Variants in C16orf96 observed in about 807,000 individuals in gnomAD.
C16orf96 encodes the protein chromosome 16 open reading frame 96.
C16orf96 carries 108 observed loss-of-function variants against 103.6 expected under a neutral mutation model. That is an observed-to-expected ratio of 1.04 (90% CI 0.89 to 1.22). The LOEUF (loss-of-function observed/expected upper bound fraction) is 1.22. C16orf96 is among the 50% of genes most tolerant of loss of function. The probability of loss-of-function intolerance (pLI) is 0.00; values close to 1 mark genes in which losing one functional copy is unlikely to be tolerated. For synonymous variants in C16orf96, 566 were observed against 593.5 expected (o/e 0.95, Z 0.67); for missense variants, 1,586 against 1,464.2 (o/e 1.08, Z -1.36).
intron 1 of C16orf96, among the ~76,000 whole-genome samples, chr16:4,570,077 G>C (rs1263321533): frequency 1.3e-5 from 2 of 150,780 alleles, no homozygotes; most frequent in Non-Finnish European, 3.0e-5. Flanking sequence ...TTAAAGCCAG[G>C]GCGCTTTGTG....
rs1401605760 is a variant in C16orf96 at position 4,593,177 on chromosome 16, C to T, written c.2775-47C>T. 2.6e-6 allele frequency: 4 copies of T among 1,521,956 alleles called. No homozygotes were observed. The highest frequency in any genetic ancestry group is 4.9e-5 in the East Asian group (2 of 40,630). 94.3% of individuals were successfully genotyped at this position (1,521,956 alleles called of 1,614,324 possible). ...GGGTGGGAGACGAGCCCTCTGCTGGCCTAGCACGCCTCCCACAGCCCCTGC... is the reference window on the plus strand; with the variant it reads ...GGGTGGGAGACGAGCCCTCTGCTGGTCTAGCACGCCTCCCACAGCCCCTGC... On this transcript the variant is annotated intron_variant, in intron 11 of 15. Transcript: ENST00000444310. This position sits in a 1 kb window ranked among gnomAD's most constrained non-coding sequence, Gnocchi z 4.2.
At chr16:4,561,425 G>A (rs897970762) in intron 1 of C16orf96, 2 of 152,316 alleles carry the variant, frequency 1.3e-5, no homozygotes, top group African/African-American at 4.8e-5. Flanking sequence ...AGGGCTGCCT[G>A]GGGTGGCTGA....
At chr16:4,599,718 C>T (rs116335255) in intron 15 of C16orf96, among the ~76,000 whole-genome samples, 476 of 152,350 alleles carry the variant, frequency 3.1e-3, no homozygotes, top group African/African-American at 0.01. Flanking sequence ...GAACCTCATC[C>T]CGACTCCTGT....
the C16orf96 span, among the ~76,000 whole-genome samples, chr16:4,548,773 T>C: frequency 2.0e-5 from 3 of 150,800 alleles, no homozygotes; most frequent in African/African-American, 7.3e-5. Flanking sequence ...CTCGGGAGGC[T>C]GAGGCAGGAG....
the C16orf96 span, among the ~76,000 whole-genome samples, chr16:4,549,018 A>G: frequency 1.3e-5 from 2 of 151,974 alleles, no homozygotes; most frequent in Non-Finnish European, 2.9e-5. Context: ...CATTACAGAG[A>G]CCGAGGGGTG....
chr16:4,549,365 C>T, the C16orf96 span, among the ~76,000 whole-genome samples: 14,439 of 150,216 alleles, frequency 0.096, 1,338 homozygotes, highest in African/African-American at 0.24. Context: ...CCCAGCTGCT[C>T]GGGAGGCTGA....
At chr16:4,542,467 C>T in the C16orf96 span, among the ~76,000 whole-genome samples, 3 of 152,248 alleles carry the variant, frequency 2.0e-5, no homozygotes, top group Admixed American at 2.0e-4. Flanking sequence ...ATACATTTAA[C>T]TCAATATATG....
chr16:4,600,303 C>A lies in C16orf96; in HGVS notation c.3412C>A (p.Pro1138Thr), dbSNP rs751944774. The change falls in exon 16 of 16, where the codon CCC becomes ACC. Residue 1138 changes from proline to threonine, a missense_variant. Coordinates refer to ENST00000444310, the MANE Select transcript of C16orf96 (RefSeq NM_001145011.2). ...SRVGRKPPEE[P>T]ANP ...AGTCGGCAGGAAGCCCCCCGAGGAG[C>A]CCGCCAACCCGTGAGCCCCACCCCG... 1 of 1,549,336 alleles carries A rather than the reference C, an allele frequency of 6.5e-7. No individual in the cohort carries two copies. The highest frequency in any genetic ancestry group is 1.2e-5 in the South Asian group (1 of 84,002).
the C16orf96 span, among the ~76,000 whole-genome samples, chr16:4,547,762 C>CCT: frequency 2.1e-5 from 3 of 142,004 alleles, no homozygotes; most frequent in Non-Finnish European, 1.5e-5. Context: ...TTCCTCCCTC[C>CCT]CTCTCTCTCT....
intron 7 of C16orf96, among the ~76,000 whole-genome samples, chr16:4,583,387 T>A (rs1165567030): frequency 6.6e-6 from 1 of 151,886 alleles, no homozygotes; most frequent in Non-Finnish European, 1.5e-5. Flanking sequence ...ACGCCTATAG[T>A]CCCAGCTACC....
chr16:4,581,167 T>C (rs112306269), intron 7 of C16orf96, among the ~76,000 whole-genome samples: 7 of 120,688 alleles, frequency 5.8e-5, no homozygotes, highest in Non-Finnish European at 1.2e-4. Context: ...TATATATATA[T>C]ATATATATAT....
chr16:4,586,756 A>G (rs761288471), intron 7 of C16orf96, among the ~76,000 whole-genome samples: 6 of 152,192 alleles, frequency 3.9e-5, no homozygotes, highest in Admixed American at 6.5e-5. Flanking sequence ...AATCGTCCAC[A>G]TTGGTTTGTG....
the C16orf96 span, among the ~76,000 whole-genome samples, chr16:4,546,315 C>T: frequency 0.2 from 29,590 of 151,676 alleles, 3,178 homozygotes; most frequent in Middle Eastern, 0.3. Flanking sequence ...CCCGCTACCG[C>T]GCCCAGCTAA....
Position 4,575,268 on chromosome 16 carries a change from G to C in C16orf96, c.788G>C (p.Arg263Pro), listed in dbSNP as rs545505381. Residue 263 changes from arginine (R) to proline (P), a missense_variant, in exon 5 of 16, where the codon CGT becomes CCT. Transcript: ENST00000444310. ...AQTTKYLEAT[R>P]AIQVSEPVQN... ...ACCACCAAGTACCTTGAAGCTACTC[G>C]TGCCATCCAGGTCTCCGAGCCCGTC... The C allele has an allele frequency of 3.4e-5, 53 of 1,550,292 alleles. No homozygotes were observed. In the African/African-American group the frequency reaches 6.2e-4, roughly 18 times the overall value.
intron 9 of C16orf96, 133 bp downstream of exon 9, chr16:4,588,464 C>A (rs1179780648): frequency 1.8e-5 from 18 of 1,017,502 alleles, no homozygotes; most frequent in Non-Finnish European, 2.2e-5. Context: ...AGCTGGGTGG[C>A]TCAGGGTTTC....
chr16:4,559,931 G>A (rs994457998), intron 1 of C16orf96: 2 of 152,166 alleles, frequency 1.3e-5, no homozygotes, highest in Non-Finnish European at 2.9e-5. Context: ...TAACAGGGAC[G>A]GGATTTCCTT....
the C16orf96 span, among the ~76,000 whole-genome samples, chr16:4,544,878 T>C: frequency 6.6e-6 from 1 of 152,088 alleles, no homozygotes; most frequent in Non-Finnish European, 1.5e-5. Context: ...ACGATTGAAG[T>C]GTATATGCAA....
At chr16:4,583,088 A>G (rs1218635113) in intron 7 of C16orf96, among the ~76,000 whole-genome samples, 4 of 152,258 alleles carry the variant, frequency 2.6e-5, no homozygotes, top group African/African-American at 9.6e-5. Flanking sequence ...ACACAAAAAA[A>G]TCAGCTGGGC....
At chr16:4,578,734 G>T (rs2059544529) in intron 5 of C16orf96, among the ~76,000 whole-genome samples, 1 of 152,084 alleles carries the variant, frequency 6.6e-6, no homozygotes, top group African/African-American at 2.4e-5. Flanking sequence ...CTCCAGCCTG[G>T]TGACAGAGCG....
Sources: gnomAD v4.1 joint callset for allele counts (sites outside exome capture counted in the v4.1 genomes callset) on GRCh38, gnomAD v4.1.1 for gene constraint, Gnocchi (gnomAD v3.1) non-coding constraint, MANE v1.5 for transcripts, NCBI Gene and HGNC (gene_info 2026-07-23, HGNC 2026-07-21) for gene names.